OVOL2: variants seen among roughly 807,000 people sequenced by gnomAD.
OVOL2 encodes transcription factor Ovo-like 2.
In OVOL2, 13 loss-of-function variants were observed where a neutral mutation model predicts 18.1. That is an observed-to-expected ratio of 0.72 (90% confidence interval 0.47 to 1.14). OVOL2 has a LOEUF of 1.14. OVOL2 is among the 50% of genes most tolerant of loss of function. OVOL2 has a pLI of 0.00. For missense variants in OVOL2, 335 were observed against 383.0 expected, an observed-to-expected ratio of 0.87 and a Z score of 1.05; for synonymous variants, 166 against 162.7, an observed-to-expected ratio of 1.02 and a Z score of -0.16.
chr20:18,036,251 C>T (rs546884238), intron 3 of OVOL2, among the ~76,000 whole-genome samples: 2 of 152,286 alleles, frequency 1.3e-5, no homozygotes, highest in East Asian at 3.9e-4. Context: ...CAAGATCAAG[C>T]CATTGCACTT....
intron 2 of OVOL2, among the ~76,000 whole-genome samples, chr20:18,046,798 C>A (rs945976107): frequency 5.9e-5 from 9 of 152,142 alleles, no homozygotes; most frequent in African/African-American, 2.2e-4. Flanking sequence ...TAGGTTTACA[C>A]CTAACACTGT....
intron 2 of OVOL2, among the ~76,000 whole-genome samples, chr20:18,043,265 A>G (rs2036691900): frequency 6.6e-6 from 1 of 152,220 alleles, no homozygotes; most frequent in Admixed American, 6.5e-5. Context: ...ATCCTGCTCC[A>G]TTTATCAAGA....
At chr20:18,058,340 G>C (rs570617564), upstream of OVOL2, among the ~76,000 whole-genome samples, 1 of 151,856 alleles carries the variant, frequency 6.6e-6, no homozygotes, top group East Asian at 1.9e-4. Flanking sequence ...AGACTTCCAA[G>C]GATTCTGATT....
chr20:18,024,612 C>T lies in OVOL2; in HGVS notation c.*24G>A, dbSNP rs535733172. 2.2e-5 allele frequency: 34 copies of T among 1,548,124 alleles called. No homozygotes were observed. The highest frequency in any genetic ancestry group is 3.5e-4 in the Middle Eastern group (2 of 5,700). Reference sequence around the variant, plus strand: ...ACGTAGACATACGTGGCAGTGTGAACGTCTGTCCTCCCCTTCCTTCTCCTC... The same window carrying T: ...ACGTAGACATACGTGGCAGTGTGAATGTCTGTCCTCCCCTTCCTTCTCCTC... On this transcript the variant is annotated 3_prime_UTR_variant, in exon 4 of 4. Transcript: ENST00000278780.
upstream of OVOL2, among the ~76,000 whole-genome samples, chr20:18,058,400 C>T (rs1312044587): frequency 7.8e-6 from 1 of 127,400 alleles, no homozygotes; most frequent in African/African-American, 3.2e-5. Flanking sequence ...CCATCAGCTA[C>T]AACACCCCCC....
In OVOL2 at chr20:18,024,556, T is replaced by G; in HGVS notation, c.*80A>C. The stretch of plus-strand genomic sequence containing the variant: ...GTCACTTCTAATTAAGAAGAGCCAG[T>G]GGGGTGGGGGAAGCTGAAAACCAAA... On this transcript the variant is annotated 3_prime_UTR_variant, in exon 4 of 4. Coordinates refer to ENST00000278780, the MANE Select transcript of OVOL2 (RefSeq NM_021220.4). The G allele has an allele frequency of 6.8e-7, 1 of 1,469,750 alleles. No individual in the cohort carries two copies. The highest frequency in any genetic ancestry group is 1.4e-5 in the South Asian group (1 of 70,440). 91.0% of individuals were successfully genotyped at this position (1,469,750 alleles called of 1,614,324 possible). A position where few individuals can be genotyped will look rare whatever the true frequency, so the allele number is the denominator to read the frequency against.
chr20:18,038,655 G>A lies in OVOL2; in HGVS notation c.511+2879C>T, dbSNP rs550844819. Among the ~76,000 whole-genome samples the A allele has an allele frequency of 7.3e-4, 111 of 152,244 alleles. 2 individuals are homozygous for A. The highest frequency in any genetic ancestry group is 1.2e-4 in the Non-Finnish European group (8 of 68,002). On this transcript the variant is annotated intron_variant, in intron 3 of 3. Coordinates refer to ENST00000278780, the MANE Select transcript of OVOL2 (RefSeq NM_021220.4). ...TAGCCATGCTTCCTGGGCCCCCTGC[G>A]TTGTGTCCTAGAAGCCAGGGTGGGG...
chr20:18,028,466 C>T (rs1005981553), intron 3 of OVOL2, among the ~76,000 whole-genome samples: 1 of 151,974 alleles, frequency 6.6e-6, no homozygotes, highest in Admixed American at 6.5e-5. Flanking sequence ...CATGAACCAC[C>T]GTGCCTGGCC....
chr20:18,031,503 G>C (rs1316004305), intron 3 of OVOL2, among the ~76,000 whole-genome samples: 1 of 152,150 alleles, frequency 6.6e-6, no homozygotes, highest in Non-Finnish European at 1.5e-5. Flanking sequence ...CTGGAATCTG[G>C]GAGGCAGAGG....
At position 18,041,641 on chromosome 20, in the gene OVOL2, T is replaced by C; in HGVS notation, c.404A>G (p.Asn135Ser). 6.2e-7 allele frequency: 1 copy of C among 1,614,088 alleles called. No homozygotes were observed. Among genetic ancestry groups the C allele is most frequent in the Non-Finnish European group, 8.5e-7 (1 of 1,180,034 alleles). ...CTGGTTGTGGCACTTGAGGTGACGG[T>C]TCAGCATGCGCTGCAGACGGAAGCC... ...GKGFRLQRML[N>S]RHLKCHNQVK... is the part of the protein sequence containing the mutation. Residue 135 changes from asparagine (N) to serine (S), a missense_variant, in exon 3 of 4, where the codon AAC (asparagine) becomes AGC (serine). Coordinates refer to ENST00000278780, the MANE Select transcript of OVOL2 (RefSeq NM_021220.4).
intron 2 of OVOL2, among the ~76,000 whole-genome samples, chr20:18,053,125 C>T (rs1472463853): frequency 6.6e-6 from 1 of 152,192 alleles, no homozygotes; most frequent in Non-Finnish European, 1.5e-5. Flanking sequence ...TAATCTGCAC[C>T]TCGGACTCCT....
intron 3 of OVOL2, among the ~76,000 whole-genome samples, chr20:18,034,769 G>C (rs1024195771): frequency 6.6e-6 from 1 of 151,900 alleles, no homozygotes; most frequent in Admixed American, 6.6e-5. Flanking sequence ...ACATCTTCAG[G>C]TTCTAGTTTC....
intron 3 of OVOL2, among the ~76,000 whole-genome samples, chr20:18,028,366 G>A (rs937207976): frequency 6.6e-6 from 1 of 151,680 alleles, no homozygotes; most frequent in African/African-American, 2.4e-5. Context: ...TAGTAGAGAA[G>A]GGGTTTCACT....
intron 3 of OVOL2, among the ~76,000 whole-genome samples, chr20:18,026,213 A>G (rs1672831912): frequency 6.6e-6 from 1 of 152,176 alleles, no homozygotes; most frequent in African/African-American, 2.4e-5. Flanking sequence ...CAGATAAAGA[A>G]TATAAACATG....
chr20:18,036,254 T>C (rs2036613922), intron 3 of OVOL2, among the ~76,000 whole-genome samples: 1 of 152,124 alleles, frequency 6.6e-6, no homozygotes, highest in African/African-American at 2.4e-5. Flanking sequence ...GATCAAGCCA[T>C]TGCACTTCAG....
intron 3 of OVOL2, among the ~76,000 whole-genome samples, chr20:18,040,584 C>G (rs1400472151): frequency 1.3e-5 from 2 of 152,128 alleles, no homozygotes; most frequent in Non-Finnish European, 2.9e-5. Flanking sequence ...GACAATGGAG[C>G]TCAGGCGGGA....
intron 2 of OVOL2, among the ~76,000 whole-genome samples, chr20:18,044,332 C>T (rs1477609793): frequency 2.0e-5 from 3 of 152,192 alleles, no homozygotes; most frequent in Non-Finnish European, 4.4e-5. Flanking sequence ...TTTCTCAACT[C>T]AACACTTTGA....
At chr20:18,036,959 A>AC (rs2036620261) in intron 3 of OVOL2, among the ~76,000 whole-genome samples, 1 of 151,804 alleles carries the variant, frequency 6.6e-6, no homozygotes, top group Non-Finnish European at 1.5e-5. Flanking sequence ...ACAAGGTGAA[A>AC]CCCCGTCTCT....
chr20:18,047,853 CAAAAAA>C (rs34668253), intron 2 of OVOL2, among the ~76,000 whole-genome samples: 2 of 47,150 alleles, frequency 4.2e-5, no homozygotes, highest in Non-Finnish European at 7.4e-5. Flanking sequence ...GACTCCGTCT[CAAAAAA>C]AAAAAAAAAA....
Sources: allele counts gnomAD v4.1 joint callset (sites outside exome capture counted in the v4.1 genomes callset), GRCh38; gene constraint gnomAD v4.1.1; transcripts MANE v1.5; gene names NCBI Gene and HGNC (gene_info 2026-07-23, HGNC 2026-07-21).